The following FAM53A variants were observed in gnomAD, a reference collection of about 807,000 sequenced individuals.
FAM53A encodes protein FAM53A.
Under a neutral mutation model 26.6 loss-of-function variants are expected in FAM53A, and 28 were observed. The ratio of observed to expected loss-of-function variants is 1.05; its 90% CI spans 0.78 to 1.45. The LOEUF (loss-of-function observed/expected upper bound fraction) is 1.45. Among genes scored for constraint, FAM53A ranks in the 40% most tolerant of loss-of-function variants. The pLI, the probability that FAM53A is intolerant of heterozygous loss-of-function variation, is 0.00. For synonymous variants in FAM53A, 290 were observed against 253.1 expected (o/e 1.15, Z -1.38); for missense variants, 650 against 575.8 (o/e 1.13, Z -1.32).
chr4:1,605,697 C>A, the FAM53A span, among the ~76,000 whole-genome samples: 1 of 152,174 alleles, frequency 6.6e-6, no homozygotes, highest in African/African-American at 2.4e-5. This position sits in a 1 kb window ranked among gnomAD's most constrained non-coding sequence, Gnocchi z 5.7. Context: ...GCTCTGCCCA[C>A]GTCCTGCACT....
At chr4:1,635,968 C>T (rs529781608), downstream of FAM53A, among the ~76,000 whole-genome samples, 81 of 151,568 alleles carry the variant, frequency 5.3e-4, no homozygotes, top group African/African-American at 1.9e-3. Flanking sequence ...CTCAGCCTCC[C>T]GACTAGCTGG....
chr4:1,647,690 C>T (rs4865430), intron 4 of FAM53A, among the ~76,000 whole-genome samples: 58,226 of 152,118 alleles, frequency 0.38, 12,068 homozygotes, highest in African/African-American at 0.53. Flanking sequence ...CGGATGTGAG[C>T]GAGCGTGAGC....
the FAM53A span, among the ~76,000 whole-genome samples, chr4:1,605,500 G>C: frequency 6.6e-6 from 1 of 152,210 alleles, no homozygotes; most frequent in African/African-American, 2.4e-5. This position sits in a 1 kb window ranked among gnomAD's most constrained non-coding sequence, Gnocchi z 5.7. Context: ...GAGGCCCAGA[G>C]CAAGATGAGC....
rs552629119 is a variant in FAM53A at position 1,655,577 on chromosome 4, C to G, written c.283G>C (p.Ala95Pro). Residue 95 changes from alanine to proline, a missense_variant, in exon 4 of 5, where the codon GCA becomes CCA. Physicochemically the swap from Ala to Pro is conservative, Grantham distance 27 (BLOSUM62 -1). Coordinates refer to ENST00000308132, the MANE Select transcript of FAM53A (RefSeq NM_001174070.3). ...QWQPQSPRPGAGLGAASTVDP... is the reference protein window; with the variant it reads ...QWQPQSPRPGPGLGAASTVDP... ...ACGGTGCTGGCTGCACCCAGGCCTG[C>G]GCCTGGGCGCGGGGACTGTGGCTGC... is the stretch of plus-strand genomic sequence containing the variant. 1.4e-5 allele frequency: 22 copies of G among 1,580,352 alleles called. No individual in the cohort carries two copies. Among genetic ancestry groups the G allele is most frequent in the South Asian group, 4.5e-5 (4 of 88,010 alleles).
downstream of FAM53A, chr4:1,617,765 G>C (rs760937891): frequency 2.2e-5 from 5 of 231,146 alleles, no homozygotes; most frequent in Non-Finnish European, 4.3e-5. Context: ...TTTCATTCCT[G>C]AACGGTCTTC....
At chr4:1,633,862 A>T (rs1481146200) in intron 1 of FAM53A, among the ~76,000 whole-genome samples, 1 of 152,168 alleles carries the variant, frequency 6.6e-6, no homozygotes, top group Non-Finnish European at 1.5e-5. Context: ...AAAAAAATCT[A>T]TATCCATAAC....
At chr4:1,668,032 T>C (rs4865457) in intron 2 of FAM53A, among the ~76,000 whole-genome samples, 149,453 of 152,316 alleles carry the variant, frequency 0.98, 73,386 homozygotes, top group East Asian at 1. Context: ...CCTGGCGGGG[T>C]GCAGTCTGCT....
At chr4:1,576,165 C>A in the FAM53A span, among the ~76,000 whole-genome samples, 1 of 152,176 alleles carries the variant, frequency 6.6e-6, no homozygotes, top group East Asian at 1.9e-4. Flanking sequence ...ACAGTCAGAA[C>A]TGATGGCTGC....
chr4:1,623,587 C>A (rs1171392611), intron 1 of FAM53A, among the ~76,000 whole-genome samples: 2 of 152,312 alleles, frequency 1.3e-5, no homozygotes, highest in South Asian at 4.1e-4. Flanking sequence ...GGCGGCTGCA[C>A]GGTGACCTTG....
At position 1,667,050 on chromosome 4, in the gene FAM53A, C is replaced by A. The variant is rs186301602; in HGVS notation, c.75+1617G>T. ...GGCTGAGGCGGGAGAATTGCTTGAA[C>A]CTGGGAGGTGGAGGTTGCAGTGAGC... is the stretch of plus-strand genomic sequence containing the variant. On this transcript the variant is annotated intron_variant, in intron 2 of 4. Coordinates refer to ENST00000308132, the MANE Select transcript of FAM53A (RefSeq NM_001174070.3). Among the ~76,000 whole-genome samples, 124 of 151,880 alleles carry A rather than the reference C, an allele frequency of 8.2e-4. 1 individual carries two copies. The highest frequency in any genetic ancestry group is 3.4e-3 in the Middle Eastern group (1 of 292).
At chr4:1,617,754 C>T (rs1243266290), downstream of FAM53A, among the ~76,000 whole-genome samples, 1 of 152,176 alleles carries the variant, frequency 6.6e-6, no homozygotes, top group Non-Finnish European at 1.5e-5. Flanking sequence ...CTTGACGCCC[C>T]TTTCATTCCT....
chr4:1,652,131 T>A (rs13130121), intron 4 of FAM53A, among the ~76,000 whole-genome samples: 89,582 of 124,458 alleles, frequency 0.72, 30,494 homozygotes, highest in African/African-American at 0.88. Context: ...CACACACACC[T>A]CATACACCAC....
chr4:1,608,969 C>T, the FAM53A span, among the ~76,000 whole-genome samples: 1 of 152,026 alleles, frequency 6.6e-6, no homozygotes, highest in Admixed American at 6.5e-5. Flanking sequence ...GGGAGAGACA[C>T]AGATGGCCCA....
downstream of FAM53A, among the ~76,000 whole-genome samples, chr4:1,613,784 C>T (rs918478692): frequency 2.0e-5 from 3 of 152,168 alleles, no homozygotes; most frequent in Non-Finnish European, 4.4e-5. Flanking sequence ...TCTCAGAAGA[C>T]TTGGAAATGC....
chr4:1,578,038 A>ACGATTCCTGCCTGCGATTCCTGCCTG, the FAM53A span, among the ~76,000 whole-genome samples: 21 of 152,162 alleles, frequency 1.4e-4, no homozygotes, highest in African/African-American at 5.1e-4. Flanking sequence ...CAGCCACAGC[A>ACGATTCCTGCCTGCGATTCCTGCCTG]CGATTCCTGC....
intron 1 of FAM53A, among the ~76,000 whole-genome samples, chr4:1,626,103 C>T (rs1715289238): frequency 1.3e-5 from 2 of 152,204 alleles, no homozygotes; most frequent in Non-Finnish European, 1.5e-5. Flanking sequence ...CCTTCTGGGC[C>T]TTGTTCCTGT....
the FAM53A span, among the ~76,000 whole-genome samples, chr4:1,610,359 G>A: frequency 1.3e-5 from 2 of 152,222 alleles, no homozygotes; most frequent in South Asian, 2.1e-4. Flanking sequence ...CACCGCCCGT[G>A]CAGGGGAGCC....
the FAM53A span, among the ~76,000 whole-genome samples, chr4:1,611,350 GCAGT>G: frequency 6.6e-6 from 1 of 152,178 alleles, no homozygotes; most frequent in African/African-American, 2.4e-5. Context: ...TTGGTGTTCA[GCAGT>G]CAGTCTCCCC....
chr4:1,638,574 G>C (rs185868288), downstream of FAM53A, among the ~76,000 whole-genome samples: 9 of 152,320 alleles, frequency 5.9e-5, no homozygotes, highest in Non-Finnish European at 1.3e-4. Flanking sequence ...AGATGAGGTA[G>C]GGTAGGAGGT....
Sources: gnomAD v4.1 joint callset for allele counts (sites outside exome capture counted in the v4.1 genomes callset) on GRCh38, gnomAD v4.1.1 for gene constraint, Gnocchi (gnomAD v3.1) non-coding constraint, MANE v1.5 for transcripts, NCBI Gene and HGNC (gene_info 2026-07-23, HGNC 2026-07-21) for gene names.